PCDHA10: variants seen among roughly 807,000 people sequenced by gnomAD.
PCDHA10 encodes the protein protocadherin alpha-10.
Under a neutral mutation model 61.2 loss-of-function variants are expected in PCDHA10, and 45 were observed. The ratio of observed to expected loss-of-function variants is 0.74; its 90% CI spans 0.58 to 0.94. PCDHA10 has a LOEUF of 0.94. Among genes scored for constraint, PCDHA10 ranks in the 40% least tolerant of loss-of-function variants. The probability of loss-of-function intolerance (pLI) is 0.00; values close to 1 mark genes in which losing one functional copy is unlikely to be tolerated. For missense variants in PCDHA10, 1,278 were observed against 1,236.2 expected, an observed-to-expected ratio of 1.03 and a Z score of -0.51; for synonymous variants, 602 against 548.8, an observed-to-expected ratio of 1.10 and a Z score of -1.35.
At chr5:140,870,557 A>G (rs1554164412) in intron 1 of PCDHA10, 5 of 1,613,906 alleles carry the variant, frequency 3.1e-6, no homozygotes, top group African/African-American at 2.7e-5. Context: ...GACGCGCAGG[A>G]GAACGCGCTG....
intron 1 of PCDHA10, chr5:140,871,695 T>A: frequency 1.0e-6 from 1 of 974,906 alleles, no homozygotes; most frequent in Non-Finnish European, 1.5e-6. Context: ...CTGGCTTCTT[T>A]AACCAATAAA....
In PCDHA10 at chr5:140,897,967, T is replaced by G. The variant is rs1277557012; in HGVS notation, c.2388+39531T>G. On this transcript the variant is annotated intron_variant, in intron 1 of 3. Transcript: ENST00000307360. Reference sequence around the variant, plus strand: ...ATGATTAGCATTTTTTCATGTGTCTTTTGGCTGCATAAATGTCTTCTTTTG... The same window carrying G: ...ATGATTAGCATTTTTTCATGTGTCTGTTGGCTGCATAAATGTCTTCTTTTG... Among the ~76,000 whole-genome samples, 3 of 152,364 alleles carry G rather than the reference T, an allele frequency of 2.0e-5. No homozygotes were observed. In the East Asian group the frequency reaches 5.8e-4, roughly 29 times the overall value.
rs782776948 is a variant in PCDHA10 at position 141,009,898 on chromosome 5, A to T, written c.2808A>T (p.Lys936Asn). The T allele has an allele frequency of 5.6e-6, 9 of 1,613,182 alleles. No individual in the cohort carries two copies. Among genetic ancestry groups the T allele is most frequent in the Admixed American group, 1.7e-5 (1 of 59,722 alleles). The change falls in exon 4 of 4, where the codon AAA (lysine) becomes AAT (asparagine). Residue 936 changes from lysine (K) to asparagine (N), a missense_variant. Physicochemically the swap from Lys to Asn is moderately conservative, Grantham distance 94 (BLOSUM62 0). Transcript: ENST00000307360. ...AGGGTAACAAGACCCAGGAGAAAAA[A>T]GAGAAAGGGAACAGCACGACTGACA... ...KKKGNKTQEK[K>N]EKGNSTTDNS...
intron 3 of PCDHA10, among the ~76,000 whole-genome samples, chr5:140,982,826 T>C (rs193172264): frequency 1.1e-3 from 157 of 141,010 alleles, no homozygotes; most frequent in African/African-American, 3.0e-3. Context: ...GTTTTTGGGG[T>C]TTGTTTGTTT....
intron 1 of PCDHA10, among the ~76,000 whole-genome samples, chr5:140,887,610 A>G (rs544288452): frequency 3.2e-4 from 49 of 151,656 alleles, no homozygotes; most frequent in Admixed American, 2.7e-3. Context: ...GTGCTTTAGT[A>G]TGGTTTTCTT....
At chr5:140,897,485 A>G (rs1189975695) in intron 1 of PCDHA10, among the ~76,000 whole-genome samples, 2 of 151,884 alleles carry the variant, frequency 1.3e-5, no homozygotes, top group African/African-American at 4.8e-5. Flanking sequence ...GATGATTTCC[A>G]ATTTCAACCA....
Position 141,009,718 on chromosome 5 carries a change from A to C in PCDHA10, c.2628A>C (p.Gln876His). The change falls in exon 4 of 4, where the codon CAA becomes CAC. Residue 876 changes from glutamine to histidine, a missense_variant. Coordinates refer to ENST00000307360, the MANE Select transcript of PCDHA10 (RefSeq NM_018901.4). Reference protein sequence around the residue: ...TFKYGPGNPKQSGPGELPDKF... With the variant: ...TFKYGPGNPKHSGPGELPDKF... Reference sequence around the variant, plus strand: ...AATACGGACCAGGCAACCCCAAACAATCCGGTCCCGGTGAGTTGCCCGACA... The same window carrying C: ...AATACGGACCAGGCAACCCCAAACACTCCGGTCCCGGTGAGTTGCCCGACA... 6.2e-7 allele frequency: 1 copy of C among 1,614,044 alleles called. No individual in the cohort carries two copies. Among genetic ancestry groups the C allele is most frequent in the Non-Finnish European group, 8.5e-7 (1 of 1,180,018 alleles).
chr5:140,994,732 G>T (rs1159331502), intron 3 of PCDHA10, among the ~76,000 whole-genome samples: 3 of 152,114 alleles, frequency 2.0e-5, no homozygotes, highest in Non-Finnish European at 4.4e-5. Flanking sequence ...ACTGGGTATT[G>T]CAGGATGGCA....
chr5:140,961,622 A>G (rs2095624628), intron 1 of PCDHA10, among the ~76,000 whole-genome samples: 1 of 152,218 alleles, frequency 6.6e-6, no homozygotes, highest in Non-Finnish European at 1.5e-5. Flanking sequence ...AAGTGCCCAT[A>G]TGAAAAACAA....
At chr5:140,961,888 T>C (rs1361187779) in intron 1 of PCDHA10, among the ~76,000 whole-genome samples, 8 of 124,918 alleles carry the variant, frequency 6.4e-5, no homozygotes, top group Non-Finnish European at 9.4e-5. Context: ...CTTACATCAG[T>C]TTTTTTTTTT....
intron 1 of PCDHA10, among the ~76,000 whole-genome samples, chr5:140,897,709 T>C (rs1471075981): frequency 6.6e-6 from 1 of 152,212 alleles, no homozygotes; most frequent in Non-Finnish European, 1.5e-5. Context: ...TACCCAGTAA[T>C]GGGATGGCTG....
chr5:140,895,647 C>T (rs954657912), intron 1 of PCDHA10, among the ~76,000 whole-genome samples: 1 of 151,996 alleles, frequency 6.6e-6, no homozygotes, highest in African/African-American at 2.4e-5. Context: ...TTTTTAGCTC[C>T]CACTTATAAG....
chr5:140,968,832 C>A (rs1554231147), intron 1 of PCDHA10: 1 of 1,614,200 alleles, frequency 6.2e-7, no homozygotes, highest in East Asian at 2.2e-5. Flanking sequence ...AAAATCCTCC[C>A]TGACACTCAG....
intron 1 of PCDHA10, among the ~76,000 whole-genome samples, chr5:140,925,464 A>G (rs1181531744): frequency 6.6e-6 from 1 of 152,114 alleles, no homozygotes; most frequent in Non-Finnish European, 1.5e-5. Flanking sequence ...GTTGTGGCTC[A>G]GAGATGTTTC....
chr5:140,995,367 T>G (rs2153932865), intron 3 of PCDHA10, among the ~76,000 whole-genome samples: 1 of 152,280 alleles, frequency 6.6e-6, no homozygotes, highest in East Asian at 1.9e-4. Context: ...AGAGGGATGA[T>G]TCACGTACTG....
chr5:140,991,374 G>A (rs537981449), intron 3 of PCDHA10, among the ~76,000 whole-genome samples: 2 of 152,286 alleles, frequency 1.3e-5, no homozygotes, highest in South Asian at 4.1e-4. Context: ...TGAGTTCTAG[G>A]CCAACTGTAG....
intron 1 of PCDHA10, among the ~76,000 whole-genome samples, chr5:140,879,549 A>T (rs1345193552): frequency 2.0e-5 from 3 of 152,246 alleles, no homozygotes; most frequent in Admixed American, 6.5e-5. Context: ...AGAGAAAAAA[A>T]TAATCCATGA....
intron 1 of PCDHA10, among the ~76,000 whole-genome samples, chr5:140,888,289 C>T (rs543077496): frequency 1.3e-5 from 2 of 152,246 alleles, no homozygotes; most frequent in Admixed American, 1.3e-4. Flanking sequence ...CCTCTACCCC[C>T]TACCCAGGAG....
chr5:140,883,090 T>A (rs550322124), intron 1 of PCDHA10: 1 of 1,614,020 alleles, frequency 6.2e-7, no homozygotes, highest in East Asian at 2.2e-5. Flanking sequence ...ATGGTACAAA[T>A]GGAGATATAG....
Sources: allele counts gnomAD v4.1 joint callset (sites outside exome capture counted in the v4.1 genomes callset), GRCh38; gene constraint gnomAD v4.1.1; transcripts MANE v1.5; gene names NCBI Gene and HGNC (gene_info 2026-07-23, HGNC 2026-07-21).